The following SLC12A6 variants were observed in gnomAD, a reference collection of about 807,000 sequenced individuals.
SLC12A6 encodes K-Cl cotransporter 3.
In SLC12A6, 66 loss-of-function variants were observed where a neutral mutation model predicts 135.3. That is an observed-to-expected ratio of 0.49 (90% confidence interval 0.40 to 0.60). SLC12A6 has a LOEUF of 0.60. Ranked by LOEUF, SLC12A6 falls within the 20% of genes least tolerant of loss-of-function variation. The pLI, the probability that SLC12A6 is intolerant of heterozygous loss-of-function variation, is 0.00. For missense variants in SLC12A6, 1,058 were observed against 1,452.3 expected (o/e 0.73, Z 4.41); for synonymous variants, 513 against 508.8 (o/e 1.01, Z -0.11).
intron 2 of SLC12A6, among the ~76,000 whole-genome samples, chr15:34,286,047 A>T (rs1037871784): frequency 6.6e-6 from 1 of 151,874 alleles, no homozygotes; most frequent in African/African-American, 2.4e-5. Context: ...ACACTAAAAA[A>T]TTATTAAGAT....
intron 19 of SLC12A6, among the ~76,000 whole-genome samples, chr15:34,239,788 T>C (rs914641366): frequency 3.0e-5 from 4 of 134,316 alleles, no homozygotes; most frequent in Non-Finnish European, 6.6e-5. Flanking sequence ...GGAATGATTT[T>C]TGCAAAGGCA....
chr15:34,316,446 T>C (rs8029788), intron 2 of SLC12A6, among the ~76,000 whole-genome samples: 5,963 of 152,284 alleles, frequency 0.039, 217 homozygotes, highest in African/African-American at 0.098. Flanking sequence ...TTTCCCTCCT[T>C]CCTACCCTTG....
intron 3 of SLC12A6, among the ~76,000 whole-genome samples, chr15:34,268,981 C>T (rs964434104): frequency 3.9e-5 from 6 of 151,972 alleles, no homozygotes; most frequent in Non-Finnish European, 8.8e-5. Context: ...CTCAGCCTCC[C>T]GAGTAGCTGG....
chr15:34,295,232 C>T (rs1380102108), intron 2 of SLC12A6, among the ~76,000 whole-genome samples: 1 of 152,110 alleles, frequency 6.6e-6, no homozygotes, highest in East Asian at 1.9e-4. Flanking sequence ...GACAGCTGTG[C>T]AACTATCCCA....
At chr15:34,255,504 T>G (rs1892686777) in intron 7 of SLC12A6, 112 bp from the exon 8 acceptor site, 2 of 794,148 alleles carry the variant, frequency 2.5e-6, no homozygotes, top group Non-Finnish European at 4.2e-6. Context: ...TGTTTCAGGC[T>G]TCTGCAAACC....
In SLC12A6 at chr15:34,258,902, G is replaced by A; in HGVS notation, c.454C>T (p.Arg152Cys). ...TRPKVSSLLN[R>C]MANYTNLTQG... ...GTCAGATTAGTGTAATTGGCCATGC[G>A]GTTGAGGAGGGAAGACACCTTCGGT... Residue 152 changes from arginine to cysteine, a missense_variant, in exon 5 of 26, where the codon CGC becomes TGC. Arg to Cys is a radical substitution (Grantham distance 180). Around this residue, in one of 6 missense-constraint regions of SLC12A6, gnomAD observed 139 missense variants for 202.2 expected, o/e 0.69. Transcript: ENST00000354181. 3 of 1,610,498 alleles carry A rather than the reference G, an allele frequency of 1.9e-6. No individual in the cohort carries two copies. The highest frequency in any genetic ancestry group is 2.5e-6 in the Non-Finnish European group (3 of 1,176,726).
At position 34,233,370 on chromosome 15, in the gene SLC12A6, G is replaced by T. The variant is rs965621174; in HGVS notation, c.*511C>A. Reference sequence around the variant, plus strand: ...AAATTACAGCAGTGGGTATACTAAAGAAATATAGCTAAAAAATGTTTGCAT... The same window carrying T: ...AAATTACAGCAGTGGGTATACTAAATAAATATAGCTAAAAAATGTTTGCAT... On this transcript the variant is annotated 3_prime_UTR_variant, in exon 26 of 26. Coordinates refer to ENST00000354181, the MANE Select transcript of SLC12A6 (RefSeq NM_001365088.1). 5 of 163,932 alleles carry T rather than the reference G, an allele frequency of 3.1e-5. No homozygotes were observed. The highest frequency in any genetic ancestry group is 1.2e-4 in the African/African-American group (5 of 41,586). 10.2% of individuals were successfully genotyped at this position (163,932 alleles called of 1,614,324 possible). A position where few individuals can be genotyped will look rare whatever the true frequency, so the allele number is the denominator to read the frequency against.
chr15:34,238,588 CCA>C (rs1295717403), intron 20 of SLC12A6, 187 bp from the exon 21 acceptor site: 1 of 643,416 alleles, frequency 1.6e-6, no homozygotes, highest in Non-Finnish European at 2.8e-6. Context: ...AGACTGAGAA[CCA>C]CAGTTTATGT....
intron 7 of SLC12A6, 70 bp downstream of exon 7, chr15:34,256,159 C>T (rs544308731): frequency 3.1e-6 from 3 of 977,296 alleles, no homozygotes; most frequent in Admixed American, 3.4e-5. Flanking sequence ...GAAGTTTGCA[C>T]CTCTAGCTTT....
At chr15:34,277,977 T>C (rs1400016788) in intron 2 of SLC12A6, among the ~76,000 whole-genome samples, 2 of 152,212 alleles carry the variant, frequency 1.3e-5, no homozygotes, top group Non-Finnish European at 2.9e-5. Flanking sequence ...TAATTCTAAC[T>C]TTCTTGTTCT....
intron 16 of SLC12A6, among the ~76,000 whole-genome samples, chr15:34,242,651 T>C (rs926683911): frequency 2.0e-5 from 3 of 152,172 alleles, no homozygotes; most frequent in African/African-American, 7.2e-5. Flanking sequence ...TGTTAATAAC[T>C]CTAGGATCTT....
rs892177326 is a variant in SLC12A6, at chr15:34,233,604, T to G, written c.*277A>C. On this transcript the variant is annotated 3_prime_UTR_variant, in exon 26 of 26. Coordinates refer to ENST00000354181, the MANE Select transcript of SLC12A6 (RefSeq NM_001365088.1). Reference sequence around the variant, plus strand: ...TTACCAATTCATTTATTGGCTCAGCTTGTTAATTCTAATTTGCCTTTGACT... The same window carrying G: ...TTACCAATTCATTTATTGGCTCAGCGTGTTAATTCTAATTTGCCTTTGACT... 10 of 378,474 alleles carry G rather than the reference T, an allele frequency of 2.6e-5. No homozygotes were observed. The highest frequency in any genetic ancestry group is 3.5e-5 in the Non-Finnish European group (7 of 201,926). The allele number at this position is 378,474 out of a possible 1,614,324, so 23.4% of individuals were successfully genotyped here. A position where few individuals can be genotyped will look rare whatever the true frequency, so the allele number is the denominator to read the frequency against.
Position 34,240,701 on chromosome 15 carries a change from T to C in SLC12A6, c.2396A>G (p.Asn799Ser). The change falls in exon 19 of 26, where the codon AAC becomes AGC. Residue 799 changes from asparagine to serine, a missense_variant. Asn to Ser is a conservative substitution (Grantham distance 46). Coordinates refer to ENST00000354181, the MANE Select transcript of SLC12A6 (RefSeq NM_001365088.1). ...LTIVGSVIVG[N>S]FLENYGEALA... ...AGCTTCACCGTAGTTCTCTAGGAAG[T>C]TCCCCACGATGACAGAGCCCACAAT... 4 of 1,614,062 alleles carry C rather than the reference T, an allele frequency of 2.5e-6. No individual in the cohort carries two copies. Among genetic ancestry groups the C allele is most frequent in the Non-Finnish European group, 3.4e-6 (4 of 1,179,932 alleles).
chr15:34,289,825 A>T (rs1461963038), intron 2 of SLC12A6, among the ~76,000 whole-genome samples: 3 of 152,098 alleles, frequency 2.0e-5, no homozygotes, highest in Admixed American at 1.3e-4. Context: ...AGGTGGTGAT[A>T]TCCCCTTTAT....
chr15:34,240,708 C>T lies in SLC12A6; in HGVS notation c.2389G>A (p.Val797Met), dbSNP rs1302200388. The T allele has an allele frequency of 6.8e-6, 11 of 1,614,054 alleles. No individual in the cohort carries two copies. The highest frequency in any genetic ancestry group is 2.2e-5 in the East Asian group (1 of 44,870). ...KGLTIVGSVI[V>M]GNFLENYGEA... ...CCGTAGTTCTCTAGGAAGTTCCCCA[C>T]GATGACAGAGCCCACAATAGTGAGA... Residue 797 changes from valine (V) to methionine (M), a missense_variant, in exon 19 of 26, where the codon GTG (valine) becomes ATG (methionine). Val to Met is a conservative substitution (Grantham distance 21). Around this residue, in one of 6 missense-constraint regions of SLC12A6, gnomAD observed 31 missense variants for 24.3 expected, o/e 1.28. Transcript: ENST00000354181.
intron 2 of SLC12A6, among the ~76,000 whole-genome samples, chr15:34,326,517 CT>C (rs1490642461): frequency 6.6e-6 from 1 of 152,106 alleles, no homozygotes; most frequent in Non-Finnish European, 1.5e-5. Context: ...TCTTCATTAG[CT>C]TTAGGACAGA....
chr15:34,241,520 A>G (rs1891640692), intron 17 of SLC12A6, among the ~76,000 whole-genome samples, 183 bp from the exon 18 acceptor site: 1 of 152,232 alleles, frequency 6.6e-6, no homozygotes, highest in Admixed American at 6.5e-5. Context: ...GATCAACAGC[A>G]CCAACAGACT....
chr15:34,334,080 AAAAAC>A (rs1477006276), intron 2 of SLC12A6, among the ~76,000 whole-genome samples: 65 of 152,042 alleles, frequency 4.3e-4, no homozygotes, highest in African/African-American at 1.5e-3. Flanking sequence ...CAAAAAAAAA[AAAAAC>A]AAAAAAAACT....
In SLC12A6 at chr15:34,276,324, A is replaced by G. The variant is rs371213439; in HGVS notation, c.272-935T>C. Reference sequence around the variant, plus strand: ...CATAAATAAAGCACTTATTACTATTAGCAGATATATTCTAGTAGTTTGACT... The same window carrying G: ...CATAAATAAAGCACTTATTACTATTGGCAGATATATTCTAGTAGTTTGACT... On this transcript the variant is annotated intron_variant, in intron 2 of 25. Coordinates refer to ENST00000354181, the MANE Select transcript of SLC12A6 (RefSeq NM_001365088.1). 1.4e-4 allele frequency among the ~76,000 whole-genome samples: 21 copies of G among 152,312 alleles called. 1 individual carries two copies. In the East Asian group the frequency reaches 1.9e-3, roughly 14 times the overall value.
Sources: allele counts gnomAD v4.1 joint callset (sites outside exome capture counted in the v4.1 genomes callset), GRCh38; gene constraint gnomAD v4.1.1; regional missense constraint gnomAD v4.1.1; transcripts MANE v1.5; gene names NCBI Gene and HGNC (gene_info 2026-07-23, HGNC 2026-07-21).